Variants in DAPP1 observed in about 807,000 individuals in gnomAD.
DAPP1 encodes dual adapter for phosphotyrosine and 3-phosphotyrosine and 3-phosphoinositide.
DAPP1 carries 20 observed loss-of-function variants against 41.5 expected under a neutral mutation model. The observed-to-expected ratio is 0.48, with a 90% confidence interval of 0.34 to 0.70. DAPP1 has a LOEUF of 0.70. Ranked by LOEUF, DAPP1 falls within the 30% of genes least tolerant of loss-of-function variation. The pLI, the probability that DAPP1 is intolerant of heterozygous loss-of-function variation, is 0.01. For synonymous variants in DAPP1, 113 were observed against 116.2 expected (o/e 0.97, Z 0.18); for missense variants, 233 against 333.4 (o/e 0.70, Z 2.35).
At chr4:99,854,082 T>G (rs1447419359) in intron 4 of DAPP1, among the ~76,000 whole-genome samples, 1 of 152,210 alleles carries the variant, frequency 6.6e-6, no homozygotes, top group Non-Finnish European at 1.5e-5. Flanking sequence ...TTTTTCTAGC[T>G]TTTTTTCCTT....
chr4:99,824,355 T>C (rs1722868573), intron 1 of DAPP1, among the ~76,000 whole-genome samples: 1 of 152,216 alleles, frequency 6.6e-6, no homozygotes, highest in African/African-American at 2.4e-5. Flanking sequence ...CTTAAGCCAG[T>C]GAGCTTTCCA....
intron 3 of DAPP1, among the ~76,000 whole-genome samples, chr4:99,849,196 C>T (rs962131030): frequency 1.3e-5 from 2 of 152,122 alleles, no homozygotes; most frequent in African/African-American, 4.8e-5. Context: ...CTTTGTTTTA[C>T]TTTTGTTGAA....
intron 7 of DAPP1, chr4:99,864,089 T>C (rs2110168262): frequency 5.9e-6 from 2 of 336,580 alleles, no homozygotes; most frequent in South Asian, 1.1e-4. Context: ...ATGACTCACA[T>C]AGAGGATGCC....
intron 1 of DAPP1, among the ~76,000 whole-genome samples, chr4:99,832,571 A>G (rs1723162705): frequency 6.6e-6 from 1 of 152,226 alleles, no homozygotes; most frequent in Non-Finnish European, 1.5e-5. Context: ...AAAAGGCAAT[A>G]TTGACTCAGG....
chr4:99,838,124 C>G (rs994338184), intron 2 of DAPP1, among the ~76,000 whole-genome samples: 2 of 152,062 alleles, frequency 1.3e-5, no homozygotes, highest in African/African-American at 4.8e-5. Flanking sequence ...GGACCCCTGG[C>G]ATGAATCTTC....
chr4:99,821,129 C>G (rs746940712), intron 1 of DAPP1, among the ~76,000 whole-genome samples: 2 of 152,218 alleles, frequency 1.3e-5, no homozygotes, highest in Non-Finnish European at 2.9e-5. Flanking sequence ...CTCTGAGTGT[C>G]TGTGTTCAAA....
chr4:99,867,937 A>G (rs78381333), intron 8 of DAPP1, among the ~76,000 whole-genome samples, 180 bp from the exon 9 acceptor site: 4 of 152,214 alleles, frequency 2.6e-5, no homozygotes, highest in African/African-American at 9.7e-5. Flanking sequence ...CTAAAAAAAA[A>G]TACAGAAAAT....
intron 1 of DAPP1, among the ~76,000 whole-genome samples, chr4:99,817,502 C>T (rs1722627730): frequency 6.6e-6 from 1 of 152,128 alleles, no homozygotes; most frequent in African/African-American, 2.4e-5. Context: ...GCAACAGTCT[C>T]GCTTGTATAT....
chr4:99,838,706 C>CT (rs1723386128), intron 2 of DAPP1, among the ~76,000 whole-genome samples: 1 of 152,204 alleles, frequency 6.6e-6, no homozygotes, highest in African/African-American at 2.4e-5. Context: ...GGCCTGGTTC[C>CT]TAACAGGTAC....
chr4:99,824,578 G>A (rs866617240), intron 1 of DAPP1, among the ~76,000 whole-genome samples: 1 of 152,120 alleles, frequency 6.6e-6, no homozygotes, highest in Non-Finnish European at 1.5e-5. Context: ...TATAGCTGAA[G>A]CTTCCTGAAA....
rs1171996748 is a variant in DAPP1 at position 99,861,565 on chromosome 4, T to A, written c.490-13T>A. The A allele has an allele frequency of 6.4e-7, 1 of 1,566,144 alleles. No homozygotes were observed. Among genetic ancestry groups the A allele is most frequent in the Admixed American group, 1.9e-5 (1 of 52,820 alleles). ...GACAGTTCTGGTCTTCACTCAGTGCTTTTCTTTTTCAGCTGGGCACCAAAG... is the reference window on the plus strand; with the variant it reads ...GACAGTTCTGGTCTTCACTCAGTGCATTTCTTTTTCAGCTGGGCACCAAAG... On this transcript the variant is annotated splice_polypyrimidine_tract_variant and intron_variant, in intron 4 of 8. Transcript: ENST00000512369.
At chr4:99,870,734 T>G (rs1724611248), downstream of DAPP1, among the ~76,000 whole-genome samples, 1 of 152,172 alleles carries the variant, frequency 6.6e-6, no homozygotes, top group Non-Finnish European at 1.5e-5. Context: ...GAGCTTATCA[T>G]TAAGACAAAG....
intron 5 of DAPP1, 63 bp from the exon 6 acceptor site, chr4:99,862,947 T>A: frequency 8.5e-7 from 1 of 1,177,880 alleles, no homozygotes; most frequent in Non-Finnish European, 1.2e-6. Context: ...GGTTCAAATA[T>A]TACATTCCTG....
intron 3 of DAPP1, among the ~76,000 whole-genome samples, chr4:99,852,460 T>C (rs1218412850): frequency 6.6e-6 from 1 of 152,182 alleles, no homozygotes; most frequent in Non-Finnish European, 1.5e-5. Flanking sequence ...TCAGAACTGC[T>C]CTGAGCCCTT....
chr4:99,858,429 C>A (rs748944027), intron 4 of DAPP1, among the ~76,000 whole-genome samples: 1 of 152,222 alleles, frequency 6.6e-6, no homozygotes, highest in Non-Finnish European at 1.5e-5. Context: ...GTGCTTCTCA[C>A]TGTGTCTTCT....
chr4:99,850,677 A>G (rs1251021789), intron 3 of DAPP1, among the ~76,000 whole-genome samples: 2 of 152,196 alleles, frequency 1.3e-5, no homozygotes, highest in African/African-American at 4.8e-5. Context: ...CAATTTAACT[A>G]TAGTTAATCA....
Position 99,842,831 on chromosome 4 carries a change from A to G in DAPP1, c.358+2409A>G, listed in dbSNP as rs1330997877. ...CTAACGATTTCATGTTCACCTTCAG[A>G]TGAAGTACAGATATTTCTTTCTTTT... On this transcript the variant is annotated intron_variant, in intron 3 of 8. Transcript: ENST00000512369. Among the ~76,000 whole-genome samples the G allele has an allele frequency of 2.0e-5, 3 of 151,604 alleles. No individual in the cohort carries two copies. The East Asian group carries it at 5.8e-4, about 29-fold the overall frequency.
chr4:99,843,993 G>A (rs1467055192), intron 3 of DAPP1: 1 of 152,188 alleles, frequency 6.6e-6, no homozygotes, highest in African/African-American at 2.4e-5. Context: ...ATGATATTTT[G>A]TGTTGCATGT....
intron 2 of DAPP1, among the ~76,000 whole-genome samples, chr4:99,839,353 A>C (rs1442367930): frequency 7.2e-6 from 1 of 139,118 alleles, no homozygotes; most frequent in Non-Finnish European, 1.6e-5. Context: ...AGGCAGATAT[A>C]TATATATAGA....
Sources: allele counts gnomAD v4.1 joint callset (sites outside exome capture counted in the v4.1 genomes callset), GRCh38; gene constraint gnomAD v4.1.1; transcripts MANE v1.5; gene names NCBI Gene and HGNC (gene_info 2026-07-23, HGNC 2026-07-21).